Variants in ZFAND4 observed in about 807,000 individuals in gnomAD.
ZFAND4 encodes the protein AN1-type zinc finger protein 4.
In ZFAND4, 43 loss-of-function variants were observed where a neutral mutation model predicts 64.4. The observed-to-expected ratio is 0.67, with a 90% CI of 0.52 to 0.86. The LOEUF (loss-of-function observed/expected upper bound fraction) is 0.86, where lower values mean the gene tolerates loss of function less well. ZFAND4 is among the 40% of genes least tolerant of loss of function. The pLI is 0.00. For missense variants in ZFAND4, 929 were observed against 859.8 expected (o/e 1.08, Z -1.01); for synonymous variants, 296 against 305.7 (o/e 0.97, Z 0.33).
At chr10:45,646,904 G>A (rs2047421870) in intron 5 of ZFAND4, among the ~76,000 whole-genome samples, 1 of 152,188 alleles carries the variant, frequency 6.6e-6, no homozygotes, top group African/African-American at 2.4e-5. Flanking sequence ...CTAACCAGAT[G>A]CTGACATGTT....
Position 45,625,957 on chromosome 10 carries a change from A to C in ZFAND4, c.1866T>G (p.Val622=), listed in dbSNP as rs1462696035. Residue 622 remains valine (V), a synonymous_variant, in exon 7 of 10, where the codon GTT becomes GTG. Coordinates refer to ENST00000344646, the MANE Select transcript of ZFAND4 (RefSeq NM_174890.4). ...KSSPQLEHTG[V]FLSTHGVGMN... is the part of the protein sequence containing the mutation. Reference sequence around the variant, plus strand: ...TTGAAAGGAAAATACTGACCAAAAAAACTCCTGTATGTTCTAACTGGGGAG... The same window carrying C: ...TTGAAAGGAAAATACTGACCAAAAACACTCCTGTATGTTCTAACTGGGGAG... 3.7e-6 allele frequency: 6 copies of C among 1,612,234 alleles called. No homozygotes were observed. In the Admixed American group the frequency reaches 8.4e-5, roughly 23 times the overall value.
chr10:45,653,895 T>A (rs2047923774), intron 2 of ZFAND4, among the ~76,000 whole-genome samples: 2 of 152,022 alleles, frequency 1.3e-5, no homozygotes, highest in Admixed American at 1.3e-4. Context: ...CTATTCACAA[T>A]ACAAAAGAGA....
At chr10:45,650,437 A>C (rs745767322) in intron 4 of ZFAND4, 3 of 152,082 alleles carry the variant, frequency 2.0e-5, no homozygotes, top group Non-Finnish European at 4.4e-5. Flanking sequence ...ACTTGAACCC[A>C]GGTGGCAGAG....
intron 6 of ZFAND4, among the ~76,000 whole-genome samples, chr10:45,638,201 T>C (rs2046743666): frequency 1.3e-5 from 2 of 151,472 alleles, no homozygotes; most frequent in Non-Finnish European, 2.9e-5. Flanking sequence ...TTGGCAAAAT[T>C]GGCCGGGCGC....
chr10:45,633,460 C>T (rs1384885339), intron 6 of ZFAND4, among the ~76,000 whole-genome samples: 2 of 151,872 alleles, frequency 1.3e-5, no homozygotes, highest in African/African-American at 2.4e-5. Context: ...GTCCCAGCTA[C>T]GTGGGAGGCT....
At chr10:45,619,719 A>T (rs939140126) in intron 8 of ZFAND4, among the ~76,000 whole-genome samples, 3 of 151,960 alleles carry the variant, frequency 2.0e-5, no homozygotes, top group African/African-American at 7.3e-5. Context: ...GTCACAACAG[A>T]GATTAGGTAA....
chr10:45,616,449 A>C lies in ZFAND4; in HGVS notation c.2171T>G (p.Leu724Arg). 1 of 1,614,070 alleles carries C rather than the reference A, an allele frequency of 6.2e-7. No homozygotes were observed. The highest frequency in any genetic ancestry group is 1.1e-5 in the South Asian group (1 of 91,058). Residue 724 changes from leucine to arginine, a missense_variant, in exon 10 of 10, where the codon CTT becomes CGT. By Grantham distance (102) the Leu-to-Arg change is moderately radical (BLOSUM62 -2). Coordinates refer to ENST00000344646, the MANE Select transcript of ZFAND4 (RefSeq NM_174890.4). ...GTAGAGGAAGAGTTAGATTTTTGGA[A>C]GCTTTGGTGCATTAACCACAGGATT... ...EANPVVNAPK[L>R]PKI
In ZFAND4 at chr10:45,639,673, T is replaced by C. The variant is rs2046855560; in HGVS notation, c.717+143A>G. ...TCCAAAAAATCCAATTTATCCCTTT[T>C]AGAAGTTTAATAAATAACTGAGGCC... On this transcript the variant is annotated intron_variant, in intron 6 of 9. Transcript: ENST00000344646. The C allele has an allele frequency of 7.8e-6, 8 of 1,024,678 alleles. 1 individual carries two copies. In the South Asian group the frequency reaches 1.8e-4, roughly 23 times the overall value. The allele number at this position is 1,024,678 out of a possible 1,614,324, so 63.5% of individuals were successfully genotyped here. A position where few individuals can be genotyped will look rare whatever the true frequency, so the allele number is the denominator to read the frequency against.
At chr10:45,650,758 T>C (rs1481045478) in intron 4 of ZFAND4, 1 of 152,148 alleles carries the variant, frequency 6.6e-6, no homozygotes, top group Non-Finnish European at 1.5e-5. Flanking sequence ...AGGGTTCTTG[T>C]GCTACTTCAA....
intron 5 of ZFAND4, among the ~76,000 whole-genome samples, chr10:45,641,079 A>T (rs1457373547): frequency 6.6e-6 from 1 of 152,164 alleles, no homozygotes; most frequent in Non-Finnish European, 1.5e-5. Flanking sequence ...ATTCTCCCAC[A>T]TGTAAGCAAG....
rs1363007477 is a variant in ZFAND4 at position 45,616,126 on chromosome 10, T to G, written c.*310A>C. 1 of 275,786 alleles carries G rather than the reference T, an allele frequency of 3.6e-6. No homozygotes were observed. The highest frequency in any genetic ancestry group is 5.0e-5 in the Admixed American group (1 of 20,042). 17.1% of individuals were successfully genotyped at this position (275,786 alleles called of 1,614,324 possible). A position where few individuals can be genotyped will look rare whatever the true frequency, so the allele number is the denominator to read the frequency against. On this transcript the variant is annotated 3_prime_UTR_variant, in exon 10 of 10. Coordinates refer to ENST00000344646, the MANE Select transcript of ZFAND4 (RefSeq NM_174890.4). ...GTTATTTAGGAAATATTTCGTTTCC[T>G]AAAGTGCATCTTTTGAAGATTTGCC...
At chr10:45,648,815 T>C (rs2047566045) in intron 4 of ZFAND4, 19 of 559,490 alleles carry the variant, frequency 3.4e-5, no homozygotes, top group Non-Finnish European at 4.1e-5. Flanking sequence ...CATTATAGTC[T>C]ATATTTTTTC....
Position 45,653,051 on chromosome 10 carries a change from T to C in ZFAND4, c.193A>G (p.Ile65Val), listed in dbSNP as rs1484471377. The change falls in exon 3 of 10, where the codon ATC becomes GTC. Residue 65 changes from isoleucine to valine, a missense_variant. Coordinates refer to ENST00000344646, the MANE Select transcript of ZFAND4 (RefSeq NM_174890.4). ...AKIRRLEGIP[I>V]CRQHLIWNNM... Reference sequence around the variant, plus strand: ...TTCCAAATTAAGTGTTGTCGACAGATGGGAATACCTTAAGGGAAAGTTATT... The same window carrying C: ...TTCCAAATTAAGTGTTGTCGACAGACGGGAATACCTTAAGGGAAAGTTATT... 2.5e-6 allele frequency: 4 copies of C among 1,609,302 alleles called. No homozygotes were observed. The highest frequency in any genetic ancestry group is 3.4e-6 in the Non-Finnish European group (4 of 1,176,986).
chr10:45,626,066 C>T lies in ZFAND4; in HGVS notation c.1757G>A (p.Arg586His), dbSNP rs767525276. The T allele has an allele frequency of 1.3e-5, 21 of 1,613,998 alleles. No homozygotes were observed. Among genetic ancestry groups the T allele is most frequent in the East Asian group, 4.5e-5 (2 of 44,880 alleles). The stretch of plus-strand genomic sequence containing the variant: ...AGAGTTCTGAAGCCTGCCTGCCCCA[C>T]GTGTGCTCTGTAATCTATTTCTGCT... ...STSRNRLQST[R>H]GAGRLQNSGT... The change falls in exon 7 of 10, where the codon CGT (arginine) becomes CAT (histidine). Residue 586 changes from arginine to histidine, a missense_variant. Arg to His is a conservative substitution (Grantham distance 29). Transcript: ENST00000344646.
chr10:45,640,585 G>C (rs1024880818), intron 5 of ZFAND4, among the ~76,000 whole-genome samples: 4 of 152,044 alleles, frequency 2.6e-5, no homozygotes, highest in African/African-American at 7.2e-5. Context: ...CTGCCTCCCG[G>C]GTTCAAGCGA....
intron 2 of ZFAND4, among the ~76,000 whole-genome samples, chr10:45,658,807 C>T (rs527256767): frequency 3.3e-5 from 5 of 152,258 alleles, no homozygotes; most frequent in Admixed American, 2.6e-4. Context: ...TTAAAATAAA[C>T]GGTTATGTTT....
intron 1 of ZFAND4, among the ~76,000 whole-genome samples, chr10:45,664,044 C>T (rs1435335178): frequency 4.6e-5 from 7 of 152,136 alleles, no homozygotes; most frequent in East Asian, 1.9e-4. Context: ...ATTAAGAATA[C>T]GCATATTTTT....
intron 2 of ZFAND4, among the ~76,000 whole-genome samples, chr10:45,653,383 G>C (rs1316362856): frequency 2.0e-5 from 3 of 152,098 alleles, no homozygotes; most frequent in Admixed American, 6.6e-5. Flanking sequence ...AGAGTAAAGA[G>C]ATGATCTACA....
In ZFAND4 at chr10:45,652,861, T is replaced by C. The variant is rs962090353; in HGVS notation, c.260+123A>G. On this transcript the variant is annotated intron_variant, in intron 3 of 9. Coordinates refer to ENST00000344646, the MANE Select transcript of ZFAND4 (RefSeq NM_174890.4). ...CTAAAGTTCAGGATGTATAATGAAA[T>C]CTAGGAATGTGAACTATTCAGGAGA... 1.6e-5 allele frequency: 11 copies of C among 679,150 alleles called. No homozygotes were observed. The East Asian group carries it at 2.5e-4, about 15-fold the overall frequency. The allele number at this position is 679,150 out of a possible 1,614,324, so 42.1% of individuals were successfully genotyped here.
Sources: gnomAD v4.1 joint callset for allele counts (sites outside exome capture counted in the v4.1 genomes callset) on GRCh38, gnomAD v4.1.1 for gene constraint, MANE v1.5 for transcripts, NCBI Gene and HGNC (gene_info 2026-07-23, HGNC 2026-07-21) for gene names.